The following MAP4K4 variants were observed in gnomAD, a reference collection of about 807,000 sequenced individuals.
The protein encoded by MAP4K4 is mitogen-activated protein kinase kinase kinase kinase 4.
A neutral mutation model predicts 189.6 loss-of-function variants in MAP4K4; 38 were observed. The observed-to-expected ratio is 0.20, with a 90% CI of 0.15 to 0.26. MAP4K4 has a LOEUF of 0.26. MAP4K4 is among the 10% of genes least tolerant of loss of function. The pLI is 1.00. For missense variants in MAP4K4, 1,054 were observed against 1,726.9 expected (o/e 0.61, Z 6.91); for synonymous variants, 610 against 624.3 (o/e 0.98, Z 0.34).
chr2:101,705,517 A>T (rs1173176723), intron 2 of MAP4K4, among the ~76,000 whole-genome samples: 1 of 152,212 alleles, frequency 6.6e-6, no homozygotes, highest in Non-Finnish European at 1.5e-5. Flanking sequence ...AATTACAGTA[A>T]AAACAAATGA....
chr2:101,859,980 T>C (rs1171548832), intron 15 of MAP4K4, 116 bp downstream of exon 15: 1 of 1,056,652 alleles, frequency 9.5e-7, no homozygotes, highest in Admixed American at 2.1e-5. Context: ...TTATCTGGTT[T>C]CTTCATTTTC....
At chr2:101,869,442 T>C (rs2097916808) in intron 21 of MAP4K4, among the ~76,000 whole-genome samples, 180 bp from the exon 22 acceptor site, 1 of 151,890 alleles carries the variant, frequency 6.6e-6, no homozygotes, top group South Asian at 2.1e-4. Flanking sequence ...TTAATCTCTC[T>C]CTTGACTTTA....
At chr2:101,822,710 T>C (rs2096139105) in intron 3 of MAP4K4, among the ~76,000 whole-genome samples, 2 of 152,196 alleles carry the variant, frequency 1.3e-5, no homozygotes, top group East Asian at 3.8e-4. Context: ...TGTGTGAGTA[T>C]GTGCGTACAC....
At position 101,825,097 on chromosome 2, in the gene MAP4K4, G is replaced by A. The variant is rs146733848; in HGVS notation, c.307-222G>A. On this transcript the variant is annotated intron_variant, in intron 4 of 32. Coordinates refer to ENST00000324219, the Ensembl canonical transcript of MAP4K4. ...CAGAATTGCTGCACTTGGGTGTGCC[G>A]TAGAATACCAGACACTGTCAGTCTT... 8.5e-5 allele frequency among the ~76,000 whole-genome samples: 13 copies of A among 152,286 alleles called. No homozygotes were observed. The South Asian group carries it at 1.2e-3, about 15-fold the overall frequency.
chr2:101,801,446 G>A (rs999645442), intron 3 of MAP4K4, among the ~76,000 whole-genome samples: 1 of 152,154 alleles, frequency 6.6e-6, no homozygotes, highest in African/African-American at 2.4e-5. Flanking sequence ...GTAATGGCAC[G>A]TATGAAATAT....
intron 13 of MAP4K4, among the ~76,000 whole-genome samples, chr2:101,857,372 G>GTGTT (rs2097505554): frequency 6.6e-6 from 1 of 151,212 alleles, no homozygotes; most frequent in African/African-American, 2.4e-5. Flanking sequence ...GTGTAGATGC[G>GTGTT]TGTTGTGTAT....
intron 2 of MAP4K4, among the ~76,000 whole-genome samples, chr2:101,723,181 A>G (rs1483585159): frequency 2.3e-4 from 35 of 152,188 alleles, no homozygotes; most frequent in Admixed American, 2.3e-3. Context: ...AGTTACCTCT[A>G]CCTGGTCTCT....
At chr2:101,831,109 G>A (rs991057747) in intron 6 of MAP4K4, among the ~76,000 whole-genome samples, 3 of 152,218 alleles carry the variant, frequency 2.0e-5, no homozygotes, top group African/African-American at 7.2e-5. Context: ...CTTCCTGCCA[G>A]CTCTGCCTCC....
At chr2:101,728,359 C>T (rs1353672284) in intron 2 of MAP4K4, among the ~76,000 whole-genome samples, 7 of 152,158 alleles carry the variant, frequency 4.6e-5, no homozygotes, top group African/African-American at 7.2e-5. Context: ...AGGCTACTTA[C>T]TGGTCTGGAG....
chr2:101,830,062 C>T (rs2149405492), intron 6 of MAP4K4, among the ~76,000 whole-genome samples: 1 of 152,116 alleles, frequency 6.6e-6, no homozygotes, highest in South Asian at 2.1e-4. Flanking sequence ...GACTATTTCC[C>T]ATTGGGAACA....
chr2:101,810,386 TTA>T (rs543578027), intron 3 of MAP4K4, among the ~76,000 whole-genome samples: 45 of 152,302 alleles, frequency 3.0e-4, no homozygotes, highest in African/African-American at 1.0e-3. Flanking sequence ...TATTATGAAT[TTA>T]TGTTATAATT....
chr2:101,864,940 GAAC>G, exon 18 of MAP4K4: 1 of 1,568,592 alleles, frequency 6.4e-7, no homozygotes, highest in Non-Finnish European at 8.7e-7. Context: ...GTTCCTGTGA[GAAC>G]AACATCTCGC....
intron 13 of MAP4K4, 132 bp from the exon 14 acceptor site, chr2:101,858,864 T>C: frequency 1.6e-6 from 1 of 622,932 alleles, no homozygotes; most frequent in Middle Eastern, 2.6e-4. Flanking sequence ...CAATAGATTT[T>C]CTTCAGGTAT....
chr2:101,842,488 G>T, intron 10 of MAP4K4, 121 bp from the exon 11 acceptor site: 1 of 635,068 alleles, frequency 1.6e-6, no homozygotes, highest in Non-Finnish European at 2.8e-6. Flanking sequence ...CTCTATACAA[G>T]TTGCTGTTTT....
chr2:101,742,083 C>G (rs2063082708), intron 2 of MAP4K4, among the ~76,000 whole-genome samples: 2 of 152,164 alleles, frequency 1.3e-5, no homozygotes, highest in Admixed American at 1.3e-4. Flanking sequence ...GCTGTGTGAC[C>G]TGGTTCCAGG....
intron 6 of MAP4K4, among the ~76,000 whole-genome samples, chr2:101,830,758 C>T (rs3771902): frequency 0.24 from 35,836 of 151,996 alleles, 5,049 homozygotes; most frequent in Non-Finnish European, 0.3. Flanking sequence ...AGTCCCTGAG[C>T]GATCACTTAG....
chr2:101,721,466 T>A (rs376635162), intron 2 of MAP4K4, among the ~76,000 whole-genome samples: 13 of 150,156 alleles, frequency 8.7e-5, no homozygotes, highest in African/African-American at 2.0e-4. Flanking sequence ...GATGGAGTGT[T>A]GCTCTGTTGC....
intron 12 of MAP4K4, among the ~76,000 whole-genome samples, chr2:101,855,303 G>A (rs889133768): frequency 6.6e-6 from 1 of 152,204 alleles, no homozygotes; most frequent in African/African-American, 2.4e-5. Context: ...GTGACTTTGG[G>A]CAAGTCACTT....
At chr2:101,754,063 A>G (rs1473418484) in intron 2 of MAP4K4, among the ~76,000 whole-genome samples, 1 of 152,172 alleles carries the variant, frequency 6.6e-6, no homozygotes, top group Non-Finnish European at 1.5e-5. Flanking sequence ...TGTTAACTGC[A>G]AAGGCTCAAT....
Sources: allele counts gnomAD v4.1 joint callset (sites outside exome capture counted in the v4.1 genomes callset), GRCh38; gene constraint gnomAD v4.1.1; transcripts MANE v1.5; gene names NCBI Gene and HGNC (gene_info 2026-07-23, HGNC 2026-07-21).